Variants in PTPRD observed in about 807,000 individuals in gnomAD.
PTPRD encodes the protein protein tyrosine phosphatase receptor type D.
PTPRD carries 34 observed loss-of-function variants against 214.5 expected under a neutral mutation model. The observed-to-expected ratio is 0.16, with a 90% CI of 0.12 to 0.21. PTPRD has a LOEUF of 0.21. Ranked by LOEUF, PTPRD falls within the 10% of genes least tolerant of loss-of-function variation. The pLI is 1.00. For synonymous variants in PTPRD, 1,128 were observed against 845.7 expected, an observed-to-expected ratio of 1.33 and a Z score of -5.79; for missense variants, 2,545 against 2,398.7, an observed-to-expected ratio of 1.06 and a Z score of -1.27.
intron 10 of PTPRD, among the ~76,000 whole-genome samples, chr9:9,059,689 G>T (rs72694934): frequency 6.6e-6 from 1 of 151,872 alleles, no homozygotes; most frequent in Non-Finnish European, 1.5e-5. Context: ...ATATAATTTT[G>T]TATATACAAA....
intron 3 of PTPRD, among the ~76,000 whole-genome samples, chr9:10,201,495 A>C (rs1276293971): frequency 6.6e-6 from 1 of 152,084 alleles, no homozygotes; most frequent in Non-Finnish European, 1.5e-5. Context: ...GATAAAGTGT[A>C]ATGTGCTATG....
intron 11 of PTPRD, among the ~76,000 whole-genome samples, chr9:8,828,645 G>A (rs914818416): frequency 6.6e-6 from 1 of 152,192 alleles, no homozygotes; most frequent in Non-Finnish European, 1.5e-5. Context: ...TTGATACCAG[G>A]TTCTGTAGCA....
intron 14 of PTPRD, among the ~76,000 whole-genome samples, chr9:8,624,871 T>A (rs538738831): frequency 6.6e-6 from 1 of 151,938 alleles, no homozygotes; most frequent in African/African-American, 2.4e-5. Flanking sequence ...TCAATCACGC[T>A]CTTCATCTTG....
chr9:8,633,174 C>T (rs989826450), intron 14 of PTPRD, 143 bp downstream of exon 14: 1 of 1,021,606 alleles, frequency 9.8e-7, no homozygotes, highest in East Asian at 2.7e-5. Flanking sequence ...TATCCACTGT[C>T]TAATTAAAGT....
chr9:8,779,945 G>A (rs770773270), intron 11 of PTPRD, among the ~76,000 whole-genome samples: 2 of 151,306 alleles, frequency 1.3e-5, no homozygotes, highest in East Asian at 2.0e-4. Context: ...CAGGTGAACT[G>A]AATAATTACT....
At chr9:10,329,498 T>C (rs2096710132) in intron 3 of PTPRD, among the ~76,000 whole-genome samples, 1 of 151,858 alleles carries the variant, frequency 6.6e-6, no homozygotes, top group Non-Finnish European at 1.5e-5. Context: ...TTCATGAATA[T>C]TTTTTCTACT....
chr9:9,178,101 T>C (rs2099926016), intron 10 of PTPRD, among the ~76,000 whole-genome samples: 1 of 152,096 alleles, frequency 6.6e-6, no homozygotes, highest in South Asian at 2.1e-4. Flanking sequence ...TTTGTATCAA[T>C]ATAAGGAAGA....
chr9:10,121,840 G>A (rs1366202918), intron 3 of PTPRD, among the ~76,000 whole-genome samples: 1 of 152,102 alleles, frequency 6.6e-6, no homozygotes. Context: ...TGAGGATTGA[G>A]GGTGAAGTGT....
intron 11 of PTPRD, chr9:8,861,191 T>C (rs1043104171): frequency 1.3e-5 from 2 of 152,196 alleles, no homozygotes; most frequent in South Asian, 2.1e-4. Context: ...TTCTCATTTA[T>C]CATGAGGCAT....
intron 31 of PTPRD, among the ~76,000 whole-genome samples, chr9:8,468,886 C>A (rs946492423): frequency 6.6e-6 from 1 of 151,422 alleles, no homozygotes; most frequent in African/African-American, 2.4e-5. Flanking sequence ...TCATTTGTTC[C>A]CCTCCACAAT....
intron 9 of PTPRD, among the ~76,000 whole-genome samples, chr9:9,320,327 G>A (rs1185392507): frequency 6.6e-6 from 1 of 151,954 alleles, no homozygotes; most frequent in South Asian, 2.1e-4. Flanking sequence ...TGGGTATTTG[G>A]TTCTTATTTA....
At chr9:8,708,342 A>G (rs1196616613) in intron 12 of PTPRD, among the ~76,000 whole-genome samples, 1 of 152,152 alleles carries the variant, frequency 6.6e-6, no homozygotes, top group Non-Finnish European at 1.5e-5. Context: ...TAGTACAGCC[A>G]TTATAGAAAA....
Position 8,315,066 on chromosome 9 carries a change from C to A in PTPRD, c.*2808G>T. 1 of 232,436 alleles carries A rather than the reference C, an allele frequency of 4.3e-6. No homozygotes were observed. The highest frequency in any genetic ancestry group is 8.5e-6 in the Non-Finnish European group (1 of 117,286). 14.4% of individuals were successfully genotyped at this position (232,436 alleles called of 1,614,324 possible). A position where few individuals can be genotyped will look rare whatever the true frequency, so the allele number is the denominator to read the frequency against. Reference sequence around the variant, plus strand: ...TACATAGGTAAATAATAGCACCGTACTGGTTATGATGATGAAAATAACTGG... The same window carrying A: ...TACATAGGTAAATAATAGCACCGTAATGGTTATGATGATGAAAATAACTGG... On this transcript the variant is annotated 3_prime_UTR_variant, in exon 46 of 46. Coordinates refer to ENST00000381196, the MANE Select transcript of PTPRD (RefSeq NM_002839.4).
At position 8,528,396 on chromosome 9, in the gene PTPRD, A is replaced by G. The variant is rs1432787221; in HGVS notation, c.541+195T>C. Reference sequence around the variant, plus strand: ...AACAGAAGCTGCAAAACACACAGAGAAAAGGAGAAAGACAGACTCTGAAAC... The same window carrying G: ...AACAGAAGCTGCAAAACACACAGAGGAAAGGAGAAAGACAGACTCTGAAAC... On this transcript the variant is annotated intron_variant, in intron 15 of 45. Transcript: ENST00000381196. 18 of 641,826 alleles carry G rather than the reference A, an allele frequency of 2.8e-5. No individual in the cohort carries two copies. The Admixed American group carries it at 4.7e-4, about 17-fold the overall frequency. 39.8% of individuals were successfully genotyped at this position (641,826 alleles called of 1,614,324 possible).
intron 11 of PTPRD, among the ~76,000 whole-genome samples, chr9:8,849,746 C>T (rs576014267): frequency 2.6e-5 from 4 of 152,230 alleles, no homozygotes; most frequent in Admixed American, 6.5e-5. Flanking sequence ...CAGAGTATCA[C>T]AGGGCTATGG....
chr9:8,541,367 C>T (rs1293168703), intron 14 of PTPRD, among the ~76,000 whole-genome samples: 1 of 152,040 alleles, frequency 6.6e-6, no homozygotes, highest in Admixed American at 6.6e-5. Context: ...GTAGCTGGGA[C>T]TACAGGCATG....
chr9:9,962,554 T>C (rs927361852), intron 4 of PTPRD, among the ~76,000 whole-genome samples: 2 of 152,084 alleles, frequency 1.3e-5, no homozygotes, highest in Admixed American at 6.5e-5. Context: ...ATTTAGAAAA[T>C]TGCCTCTGTA....
intron 4 of PTPRD, among the ~76,000 whole-genome samples, chr9:10,015,905 T>C (rs1413090599): frequency 1.3e-5 from 2 of 152,156 alleles, no homozygotes. Context: ...CTCCTGATCT[T>C]AAGACTTTGT....
At chr9:10,314,376 G>GA (rs554159839) in intron 3 of PTPRD, among the ~76,000 whole-genome samples, 41 of 152,058 alleles carry the variant, frequency 2.7e-4, no homozygotes, top group African/African-American at 9.6e-4. Context: ...TGAGATTTAA[G>GA]AAGTGAGAAG....
Sources: allele counts gnomAD v4.1 joint callset (sites outside exome capture counted in the v4.1 genomes callset), GRCh38; gene constraint gnomAD v4.1.1; transcripts MANE v1.5; gene names NCBI Gene and HGNC (gene_info 2026-07-23, HGNC 2026-07-21).